The following CBLB variants were observed in gnomAD, a reference collection of about 807,000 sequenced individuals.
The protein encoded by CBLB is E3 ubiquitin-protein ligase CBL-B.
A neutral mutation model predicts 104.9 loss-of-function variants in CBLB; 31 were observed. The ratio of observed to expected loss-of-function variants is 0.30; its 90% confidence interval spans 0.22 to 0.40. The LOEUF (loss-of-function observed/expected upper bound fraction) is 0.40. Among genes scored for constraint, CBLB ranks in the 10% least tolerant of loss-of-function variants. The probability of loss-of-function intolerance (pLI) is 1.00; values close to 1 mark genes in which losing one functional copy is unlikely to be tolerated. For missense variants in CBLB, 1,062 were observed against 1,214.6 expected, an observed-to-expected ratio of 0.87 and a Z score of 1.87; for synonymous variants, 440 against 422.6, an observed-to-expected ratio of 1.04 and a Z score of -0.51.
At chr3:105,802,715 T>TACA (rs55939805) in intron 3 of CBLB, among the ~76,000 whole-genome samples, 148,549 of 152,230 alleles carry the variant, frequency 0.98, 72,594 homozygotes, top group East Asian at 1. Context: ...TACTTCAGGA[T>TACA]ACAACTATTG....
intron 12 of CBLB, among the ~76,000 whole-genome samples, chr3:105,698,856 G>T (rs775341794): frequency 1.3e-5 from 2 of 151,900 alleles, no homozygotes; most frequent in Non-Finnish European, 2.9e-5. Context: ...TTTTCTTGTT[G>T]TATATGATCT....
intron 3 of CBLB, among the ~76,000 whole-genome samples, chr3:105,820,930 T>C (rs954648440): frequency 6.6e-6 from 1 of 152,134 alleles, no homozygotes; most frequent in African/African-American, 2.4e-5. Context: ...AAACTAAAAA[T>C]TCAACATTTT....
At chr3:105,799,159 G>A (rs2082553810) in intron 3 of CBLB, among the ~76,000 whole-genome samples, 1 of 121,608 alleles carries the variant, frequency 8.2e-6, no homozygotes. Flanking sequence ...GAAACACATG[G>A]TAAATAATGA....
In CBLB at chr3:105,778,845, A is replaced by G. The variant is rs149177651; in HGVS notation, c.420-2303T>C. 5.4e-3 allele frequency among the ~76,000 whole-genome samples: 817 copies of G among 152,318 alleles called. 8 individuals are homozygous for G. Among genetic ancestry groups the G allele is most frequent in the African/African-American group, 0.019 (770 of 41,578 alleles). On this transcript the variant is annotated intron_variant, in intron 3 of 18. Transcript: ENST00000394030. ...ATATCCTCAATTTAGATGATGGTAG[A>G]TATAAGATATTGTTTTAAAAAATAA...
chr3:105,843,604 A>T (rs2089850965), intron 3 of CBLB, among the ~76,000 whole-genome samples: 1 of 152,182 alleles, frequency 6.6e-6, no homozygotes, highest in South Asian at 2.1e-4. Flanking sequence ...GAATGTTAAA[A>T]AAAGGTACTT....
chr3:105,762,662 G>A (rs2077765690), intron 4 of CBLB, among the ~76,000 whole-genome samples: 1 of 152,236 alleles, frequency 6.6e-6, no homozygotes, highest in Non-Finnish European at 1.5e-5. Flanking sequence ...GGACATCCAG[G>A]TAGAAGTTTG....
intron 3 of CBLB, among the ~76,000 whole-genome samples, chr3:105,786,168 C>T (rs2080997777): frequency 6.6e-6 from 1 of 151,406 alleles, no homozygotes; most frequent in Non-Finnish European, 1.5e-5. Context: ...GCTATAAATA[C>T]CACATTATAG....
intron 3 of CBLB, among the ~76,000 whole-genome samples, chr3:105,786,321 T>C (rs530633307): frequency 6.6e-6 from 1 of 152,202 alleles, no homozygotes; most frequent in East Asian, 1.9e-4. Flanking sequence ...AACAAAAATG[T>C]CATTAAAAAG....
At chr3:105,730,778 T>C (rs1398935779) in intron 9 of CBLB, among the ~76,000 whole-genome samples, 1 of 152,126 alleles carries the variant, frequency 6.6e-6, no homozygotes, top group African/African-American at 2.4e-5. Context: ...ATTAAGACAA[T>C]AACATTACTG....
At position 105,751,971 on chromosome 3, in the gene CBLB, T is replaced by G. The variant is rs545094346; in HGVS notation, c.567-353A>C. ...AGGTTATTTAATAATGAATCAAGATTTAATTCTCATTTTCTAAAAACAGTC... is the reference window on the plus strand; with the variant it reads ...AGGTTATTTAATAATGAATCAAGATGTAATTCTCATTTTCTAAAAACAGTC... On this transcript the variant is annotated intron_variant, in intron 4 of 18. Coordinates refer to ENST00000394030, the MANE Select transcript of CBLB (RefSeq NM_170662.5). Among the ~76,000 whole-genome samples, 19 of 152,278 alleles carry G rather than the reference T, an allele frequency of 1.2e-4. 1 individual carries two copies. Among genetic ancestry groups the G allele is most frequent in the African/African-American group, 2.2e-4 (9 of 41,556 alleles).
At chr3:105,796,417 C>CTA (rs2082263051) in intron 3 of CBLB, among the ~76,000 whole-genome samples, 1 of 152,154 alleles carries the variant, frequency 6.6e-6, no homozygotes, top group African/African-American at 2.4e-5. Flanking sequence ...AGACCCTTTC[C>CTA]CTTACACCAT....
chr3:105,786,993 C>A (rs558828372), intron 3 of CBLB, among the ~76,000 whole-genome samples: 7 of 152,172 alleles, frequency 4.6e-5, no homozygotes, highest in South Asian at 2.1e-4. Context: ...ATTTAGATGT[C>A]AATGGTCTCA....
chr3:105,722,930 A>G (rs903066692), intron 9 of CBLB, among the ~76,000 whole-genome samples: 1 of 152,220 alleles, frequency 6.6e-6, no homozygotes, highest in Non-Finnish European at 1.5e-5. Flanking sequence ...AGTGCCTGTT[A>G]TAAGAGTAGA....
At chr3:105,667,589 G>C (rs1303757103) in intron 18 of CBLB, among the ~76,000 whole-genome samples, 6 of 152,034 alleles carry the variant, frequency 3.9e-5, no homozygotes, top group Admixed American at 1.3e-4. Context: ...AAAACTTTAA[G>C]AAAAGCATAA....
chr3:105,852,788 G>A (rs1305826110), intron 3 of CBLB, among the ~76,000 whole-genome samples: 2 of 151,858 alleles, frequency 1.3e-5, no homozygotes, highest in African/African-American at 4.8e-5. Context: ...CACAATCTCA[G>A]CTCACCACAA....
rs186888406 is a variant in CBLB, at chr3:105,679,864, T to A, written c.2429-1293A>T. Among the ~76,000 whole-genome samples the A allele has an allele frequency of 7.5e-3, 1,149 of 152,284 alleles. 10 individuals are homozygous for A. The highest frequency in any genetic ancestry group is 0.012 in the Non-Finnish European group (808 of 68,014). Reference sequence around the variant, plus strand: ...TAATCATATTTTTCTTATTAACACATCTGAAGATGCACAAGACAGAGTTTT... The same window carrying A: ...TAATCATATTTTTCTTATTAACACAACTGAAGATGCACAAGACAGAGTTTT... On this transcript the variant is annotated intron_variant, in intron 16 of 18. Coordinates refer to ENST00000394030, the MANE Select transcript of CBLB (RefSeq NM_170662.5).
At chr3:105,744,013 A>T (rs547101887) in intron 6 of CBLB, among the ~76,000 whole-genome samples, 142 of 152,294 alleles carry the variant, frequency 9.3e-4, no homozygotes, top group African/African-American at 3.3e-3. Context: ...AAGCTGTATA[A>T]AATGTATATA....
chr3:105,868,942 T>C lies in CBLB; in HGVS notation c.-221A>G. 9.8e-7 allele frequency: 1 copy of C among 1,022,010 alleles called. No homozygotes were observed. Among genetic ancestry groups the C allele is most frequent in the Non-Finnish European group, 1.2e-6 (1 of 854,328 alleles). 63.3% of individuals were successfully genotyped at this position (1,022,010 alleles called of 1,614,324 possible). On this transcript the variant is annotated 5_prime_UTR_variant, in exon 1 of 19. Transcript: ENST00000394030. ...AGACAAATCCACACCCGCTCTCCCC[T>C]CCCGCCCGACTCGGGGAGGCCGCGG...
rs988098569 is a variant in CBLB at position 105,684,697 on chromosome 3, C to T, written c.2201+623G>A. On this transcript the variant is annotated intron_variant, in intron 14 of 18. Coordinates refer to ENST00000394030, the MANE Select transcript of CBLB (RefSeq NM_170662.5). Reference sequence around the variant, plus strand: ...CCTCCTGAGTAGCTGGGATTACAGGCGCCCACCACCACACCCGGCTCATTT... The same window carrying T: ...CCTCCTGAGTAGCTGGGATTACAGGTGCCCACCACCACACCCGGCTCATTT... 4.6e-5 allele frequency among the ~76,000 whole-genome samples: 7 copies of T among 152,136 alleles called. No homozygotes were observed. In the East Asian group the frequency reaches 5.8e-4, roughly 13 times the overall value.
Sources: gnomAD v4.1 joint callset for allele counts (sites outside exome capture counted in the v4.1 genomes callset) on GRCh38, gnomAD v4.1.1 for gene constraint, MANE v1.5 for transcripts, NCBI Gene and HGNC (gene_info 2026-07-23, HGNC 2026-07-21) for gene names.